The following WSCD2 variants were observed in gnomAD, a reference collection of about 807,000 sequenced individuals.
The protein encoded by WSCD2 is sialate:O-sulfotransferase 2.
A neutral mutation model predicts 55.7 loss-of-function variants in WSCD2; 28 were observed. That is an observed-to-expected ratio of 0.50 (90% CI 0.37 to 0.69). WSCD2 has a LOEUF of 0.69. WSCD2 is among the 30% of genes least tolerant of loss of function. The pLI is 0.00. For synonymous variants in WSCD2, 301 were observed against 301.9 expected, an observed-to-expected ratio of 1.00 and a Z score of 0.03; for missense variants, 616 against 762.1, an observed-to-expected ratio of 0.81 and a Z score of 2.26.
intron 1 of WSCD2, among the ~76,000 whole-genome samples, chr12:108,138,075 A>G (rs1350560985): frequency 6.6e-6 from 1 of 152,234 alleles, no homozygotes; most frequent in Non-Finnish European, 1.5e-5. Context: ...TTGTCTGTGC[A>G]TGGTAGAAGG....
chr12:108,134,413 C>T (rs189744640), intron 1 of WSCD2, among the ~76,000 whole-genome samples: 159 of 152,286 alleles, frequency 1.0e-3, no homozygotes, highest in African/African-American at 3.7e-3. Flanking sequence ...CCTTAGGGAA[C>T]CTTGTGTGTT....
intron 1 of WSCD2, among the ~76,000 whole-genome samples, chr12:108,187,403 G>A (rs1430360513): frequency 6.6e-6 from 1 of 152,244 alleles, no homozygotes; most frequent in Admixed American, 6.5e-5. Context: ...GGCCAAAGTT[G>A]TGGCAGAGAA....
chr12:108,184,211 G>C (rs1049050649), intron 1 of WSCD2, among the ~76,000 whole-genome samples: 3 of 152,110 alleles, frequency 2.0e-5, no homozygotes, highest in Non-Finnish European at 1.5e-5. Context: ...CTGGCAGTAG[G>C]TGCTGGCAAC....
chr12:108,181,479 A>G (rs1418192071), intron 1 of WSCD2, among the ~76,000 whole-genome samples: 1 of 152,122 alleles, frequency 6.6e-6, no homozygotes, highest in African/African-American at 2.4e-5. Flanking sequence ...CTGGCCTGGG[A>G]TAAGAAGAGT....
chr12:108,246,101 C>T (rs1890061296), intron 8 of WSCD2, among the ~76,000 whole-genome samples: 1 of 152,250 alleles, frequency 6.6e-6, no homozygotes, highest in Non-Finnish European at 1.5e-5. Context: ...AAAGATCCAT[C>T]CTGGAACCAG....
chr12:108,173,656 G>T lies in WSCD2; in HGVS notation c.-551-21626G>T, dbSNP rs551866039. On this transcript the variant is annotated intron_variant, in intron 1 of 8. Transcript: ENST00000547525. ...CTGAATGAGGCTCTGCTGTTTCCAG[G>T]GGGTCAGCATCCTTCTGACTCCTAT... Among the ~76,000 whole-genome samples, 123 of 152,214 alleles carry T rather than the reference G, an allele frequency of 8.1e-4. 3 individuals are homozygous for T. In the Middle Eastern group the frequency reaches 0.017, roughly 21 times the overall value.
intron 1 of WSCD2, among the ~76,000 whole-genome samples, chr12:108,188,169 T>C (rs1882745023): frequency 6.6e-6 from 1 of 152,088 alleles, no homozygotes; most frequent in African/African-American, 2.4e-5. Flanking sequence ...TGGACATGGT[T>C]GGCAGGCTGT....
chr12:108,177,946 A>C (rs1209778462), intron 1 of WSCD2, among the ~76,000 whole-genome samples: 1 of 151,952 alleles, frequency 6.6e-6, no homozygotes, highest in South Asian at 2.1e-4. Context: ...ATTCCTGCGC[A>C]CTTGTTTTTA....
intron 1 of WSCD2, among the ~76,000 whole-genome samples, chr12:108,139,571 A>G (rs1024371853): frequency 5.3e-5 from 8 of 152,188 alleles, no homozygotes; most frequent in Non-Finnish European, 4.4e-5. Flanking sequence ...CAGATCAGCC[A>G]CTTGCACACT....
At position 108,210,085 on chromosome 12, in the gene WSCD2, G is replaced by A; in HGVS notation, c.498-36G>A. The stretch of plus-strand genomic sequence containing the variant: ...GTCTCCCTGCCTCGGGGTCTCCATG[G>A]TGGCAGCTACCCTGCTTGACAGCAG... On this transcript the variant is annotated intron_variant, in intron 3 of 8. Transcript: ENST00000547525. The surrounding 1 kb of genome is among the most constrained non-coding windows in gnomAD (Gnocchi z 4.3). 4.3e-6 allele frequency: 7 copies of A among 1,613,744 alleles called. No individual in the cohort carries two copies. The highest frequency in any genetic ancestry group is 5.9e-6 in the Non-Finnish European group (7 of 1,179,854).
At chr12:108,242,382 C>G (rs1226963633) in intron 8 of WSCD2, among the ~76,000 whole-genome samples, 1 of 152,170 alleles carries the variant, frequency 6.6e-6, no homozygotes, top group African/African-American at 2.4e-5. Context: ...AACAGTCAAT[C>G]AAAAGCAAAA....
chr12:108,221,657 G>A (rs1467696531), intron 4 of WSCD2, among the ~76,000 whole-genome samples: 2 of 152,236 alleles, frequency 1.3e-5, no homozygotes, highest in African/African-American at 4.8e-5. Flanking sequence ...GTGAAGGGCT[G>A]TCCTGTACAG....
intron 2 of WSCD2, among the ~76,000 whole-genome samples, chr12:108,201,586 G>T (rs1028756621): frequency 6.6e-6 from 1 of 152,106 alleles, no homozygotes; most frequent in Non-Finnish European, 1.5e-5. Context: ...CCACTTTTCA[G>T]GTGGAGAACT....
intron 1 of WSCD2, among the ~76,000 whole-genome samples, chr12:108,163,930 A>C (rs1879332069): frequency 6.6e-6 from 1 of 152,096 alleles, no homozygotes; most frequent in South Asian, 2.1e-4. Context: ...TGGATAAAAA[A>C]AATTAAGGAA....
chr12:108,166,761 T>TTTCTCTTTCTTTC (rs10680980), intron 1 of WSCD2, among the ~76,000 whole-genome samples: 4 of 124,886 alleles, frequency 3.2e-5, no homozygotes, highest in African/African-American at 1.2e-4. Flanking sequence ...TCTTTCTTTC[T>TTTCTCTTTCTTTC]TTTCTTTCTT....
intron 7 of WSCD2, among the ~76,000 whole-genome samples, chr12:108,238,504 T>C (rs1351501462): frequency 6.6e-6 from 1 of 152,196 alleles, no homozygotes; most frequent in Admixed American, 6.5e-5. Flanking sequence ...GAAGAAGCCA[T>C]ACTCCAAGGT....
In WSCD2 at chr12:108,240,372, C is replaced by T; in HGVS notation, c.1173C>T (p.Arg391=). Residue 391 remains arginine, a synonymous_variant, in exon 8 of 9, where the codon CGC becomes CGT. Coordinates refer to ENST00000547525, the MANE Select transcript of WSCD2 (RefSeq NM_014653.4). ...KGFKGERDHW[R]SGRTICIKTH... is the part of the protein sequence containing the mutation. ...TTAAAGGTGAGCGGGACCACTGGCG[C>T]AGCGGACGGACCATCTGCATCAAGA... is the stretch of plus-strand genomic sequence containing the variant. 1.2e-6 allele frequency: 2 copies of T among 1,614,134 alleles called. No individual in the cohort carries two copies. Among genetic ancestry groups the T allele is most frequent in the South Asian group, 2.2e-5 (2 of 91,080 alleles).
At chr12:108,236,570 C>T (rs945696415) in intron 7 of WSCD2, among the ~76,000 whole-genome samples, 1 of 147,230 alleles carries the variant, frequency 6.8e-6, no homozygotes, top group African/African-American at 2.6e-5. Context: ...CGCTCTTTCT[C>T]TCTCTCTCTC....
chr12:108,141,925 G>C (rs1592873696), intron 1 of WSCD2, among the ~76,000 whole-genome samples: 1 of 152,204 alleles, frequency 6.6e-6, no homozygotes, highest in Non-Finnish European at 1.5e-5. Flanking sequence ...GTCAACTTGA[G>C]ATGGGAGCCT....
Sources: allele counts gnomAD v4.1 joint callset (sites outside exome capture counted in the v4.1 genomes callset), GRCh38; gene constraint gnomAD v4.1.1; non-coding constraint Gnocchi (gnomAD v3.1); transcripts MANE v1.5; gene names NCBI Gene and HGNC (gene_info 2026-07-23, HGNC 2026-07-21).